Variants in CTNNA3 observed in about 807,000 individuals in gnomAD.
The protein encoded by CTNNA3 is catenin alpha 3.
In CTNNA3, 76 loss-of-function variants were observed where a neutral mutation model predicts 95.7. That is an observed-to-expected ratio of 0.79 (90% confidence interval 0.66 to 0.96). CTNNA3 has a LOEUF of 0.96. Among genes scored for constraint, CTNNA3 ranks in the 40% least tolerant of loss-of-function variants. CTNNA3 has a pLI of 0.00. For synonymous variants in CTNNA3, 431 were observed against 374.4 expected (o/e 1.15, Z -1.74); for missense variants, 1,191 against 1,089.8 (o/e 1.09, Z -1.31).
chr10:66,360,132 C>A (rs1017115439), intron 12 of CTNNA3, among the ~76,000 whole-genome samples: 2 of 151,854 alleles, frequency 1.3e-5, no homozygotes, highest in African/African-American at 4.8e-5. Flanking sequence ...TGGCCCTCAT[C>A]TTACTAAATT....
chr10:65,943,184 T>C (rs2077456052), intron 17 of CTNNA3, among the ~76,000 whole-genome samples: 1 of 151,994 alleles, frequency 6.6e-6, no homozygotes, highest in African/African-American at 2.4e-5. Context: ...CTGCCTCAGC[T>C]TCCCAAGTAG....
At chr10:65,940,156 C>T (rs1277692185) in intron 17 of CTNNA3, among the ~76,000 whole-genome samples, 1 of 152,112 alleles carries the variant, frequency 6.6e-6, no homozygotes, top group Admixed American at 6.5e-5. Flanking sequence ...AAGGAAGGCC[C>T]TAAACAGTCA....
chr10:66,217,055 T>C (rs1485803074), intron 13 of CTNNA3, among the ~76,000 whole-genome samples: 1 of 152,172 alleles, frequency 6.6e-6, no homozygotes, highest in African/African-American at 2.4e-5. Flanking sequence ...TCAAGAATCC[T>C]ATATAAATGG....
rs545119341 is a variant in CTNNA3, at chr10:67,622,520, G to A, written c.100-15471C>T. Among the ~76,000 whole-genome samples, 117 of 152,342 alleles carry A rather than the reference G, an allele frequency of 7.7e-4. 1 individual carries two copies. The highest frequency in any genetic ancestry group is 2.5e-3 in the African/African-American group (104 of 41,590). ...ACAAAAGGTTTAGGAAGCAAGCTGA[G>A]AAGAGGTGAAGCACATACAATGAAT... On this transcript the variant is annotated intron_variant, in intron 2 of 17. Coordinates refer to ENST00000433211, the MANE Select transcript of CTNNA3 (RefSeq NM_013266.4).
chr10:67,103,878 C>T (rs1858482334), intron 7 of CTNNA3, among the ~76,000 whole-genome samples: 1 of 151,430 alleles, frequency 6.6e-6, no homozygotes, highest in Admixed American at 6.6e-5. Flanking sequence ...CCTTCAATAT[C>T]CTAAACCAGA....
chr10:66,662,858 A>G (rs1012703788), intron 9 of CTNNA3, among the ~76,000 whole-genome samples: 2 of 152,126 alleles, frequency 1.3e-5, no homozygotes, highest in Non-Finnish European at 2.9e-5. Context: ...CTTTGGTCTC[A>G]TATCTACCTT....
intron 2 of CTNNA3, among the ~76,000 whole-genome samples, chr10:67,610,192 G>A (rs1426597660): frequency 2.0e-5 from 3 of 152,120 alleles, no homozygotes; most frequent in Non-Finnish European, 4.4e-5. Flanking sequence ...GATCCTCCAT[G>A]CGCCAAATGT....
intron 11 of CTNNA3, among the ~76,000 whole-genome samples, chr10:66,520,031 T>G (rs1329876252): frequency 6.6e-6 from 1 of 152,014 alleles, no homozygotes; most frequent in Non-Finnish European, 1.5e-5. Flanking sequence ...TAGGTATTAT[T>G]TTCTAATATG....
chr10:66,536,754 G>A (rs1841673935), intron 10 of CTNNA3, among the ~76,000 whole-genome samples: 2 of 152,104 alleles, frequency 1.3e-5, no homozygotes, highest in African/African-American at 4.8e-5. Flanking sequence ...ATGGATGATA[G>A]AGTAGATTAT....
intron 5 of CTNNA3, among the ~76,000 whole-genome samples, chr10:67,485,537 A>C (rs1043702536): frequency 6.6e-6 from 1 of 152,210 alleles, no homozygotes; most frequent in African/African-American, 2.4e-5. Context: ...AAACCTCCCT[A>C]GTGACTATGC....
intron 7 of CTNNA3, among the ~76,000 whole-genome samples, chr10:66,971,210 A>C (rs1849702467): frequency 6.6e-6 from 1 of 152,044 alleles, no homozygotes; most frequent in Admixed American, 6.5e-5. Context: ...GGCAGATCAC[A>C]AGGTCAGGAG....
intron 14 of CTNNA3, among the ~76,000 whole-genome samples, chr10:66,096,287 G>T (rs2081382496): frequency 6.6e-6 from 1 of 152,008 alleles, no homozygotes; most frequent in African/African-American, 2.4e-5. Flanking sequence ...TTAGTATTTA[G>T]ACCTTATTGG....
At chr10:66,015,092 ACT>A (rs897352127) in intron 15 of CTNNA3, among the ~76,000 whole-genome samples, 1 of 147,256 alleles carries the variant, frequency 6.8e-6, no homozygotes, top group African/African-American at 2.5e-5. Flanking sequence ...ACAGAGCGAG[ACT>A]CTGTCTCAAA....
At chr10:67,365,127 G>A (rs185401709) in intron 5 of CTNNA3, among the ~76,000 whole-genome samples, 84 of 152,212 alleles carry the variant, frequency 5.5e-4, no homozygotes, top group African/African-American at 1.7e-3. Context: ...AATGGGGAAA[G>A]GATTTCCTAT....
intron 3 of CTNNA3, among the ~76,000 whole-genome samples, chr10:67,562,031 T>C (rs912157272): frequency 2.6e-5 from 4 of 152,264 alleles, no homozygotes; most frequent in Non-Finnish European, 4.4e-5. Flanking sequence ...CAGGACCAGA[T>C]GGATTCACAG....
intron 5 of CTNNA3, among the ~76,000 whole-genome samples, chr10:67,450,931 G>T (rs1427279966): frequency 1.3e-5 from 2 of 151,822 alleles, no homozygotes; most frequent in Non-Finnish European, 2.9e-5. Context: ...GGCCTTTCGA[G>T]ACTTAGAACC....
At chr10:67,387,166 A>C (rs1021260905) in intron 5 of CTNNA3, among the ~76,000 whole-genome samples, 1 of 152,114 alleles carries the variant, frequency 6.6e-6, no homozygotes, top group Non-Finnish European at 1.5e-5. Context: ...CTCACTAGGG[A>C]GTGCCAGACA....
intron 13 of CTNNA3, among the ~76,000 whole-genome samples, chr10:66,201,092 T>C (rs1016060465): frequency 1.3e-5 from 2 of 152,226 alleles, no homozygotes; most frequent in Admixed American, 1.3e-4. Context: ...TATAAACTTA[T>C]GTGATTTTAA....
chr10:67,296,398 A>G (rs1461298652), intron 5 of CTNNA3, among the ~76,000 whole-genome samples: 1 of 152,212 alleles, frequency 6.6e-6, no homozygotes, highest in Non-Finnish European at 1.5e-5. Flanking sequence ...TGAAATCACT[A>G]ATGCCATAAA....
Sources: gnomAD v4.1 joint callset for allele counts (sites outside exome capture counted in the v4.1 genomes callset) on GRCh38, gnomAD v4.1.1 for gene constraint, MANE v1.5 for transcripts, NCBI Gene and HGNC (gene_info 2026-07-23, HGNC 2026-07-21) for gene names.